TUSC3: variants seen among roughly 807,000 people sequenced by gnomAD.
TUSC3 encodes tumor suppressor candidate 3.
Under a neutral mutation model 44.8 loss-of-function variants are expected in TUSC3, and 45 were observed. The observed-to-expected ratio is 1.00, with a 90% CI of 0.79 to 1.29. The LOEUF (loss-of-function observed/expected upper bound fraction) is 1.29. Among genes scored for constraint, TUSC3 ranks in the 50% most tolerant of loss-of-function variants. The pLI is 0.00. For missense variants in TUSC3, 519 were observed against 437.9 expected, an observed-to-expected ratio of 1.19 and a Z score of -1.65; for synonymous variants, 212 against 152.9, an observed-to-expected ratio of 1.39 and a Z score of -2.85.
intron 6 of TUSC3, among the ~76,000 whole-genome samples, chr8:15,727,573 T>C (rs1327873146): frequency 6.6e-6 from 1 of 152,180 alleles, no homozygotes; most frequent in Non-Finnish European, 1.5e-5. Flanking sequence ...TGATGTGATT[T>C]TGAAGACACA....
At chr8:15,626,926 G>C (rs781370182) in intron 2 of TUSC3, among the ~76,000 whole-genome samples, 2 of 152,176 alleles carry the variant, frequency 1.3e-5, no homozygotes, top group African/African-American at 2.4e-5. Context: ...ACAGGCTCCA[G>C]GGTGGAAGGG....
At chr8:15,821,364 T>A in the TUSC3 span, among the ~76,000 whole-genome samples, 1 of 150,018 alleles carries the variant, frequency 6.7e-6, no homozygotes, top group Admixed American at 6.6e-5. Context: ...TAGGCATTTT[T>A]TTTTTTTTTT....
intron 1 of TUSC3, among the ~76,000 whole-genome samples, chr8:15,477,841 TC>T (rs1800601390): frequency 1.3e-5 from 2 of 152,220 alleles, no homozygotes; most frequent in African/African-American, 4.8e-5. Flanking sequence ...GTCCTTGCTT[TC>T]CTGCTGTTTT....
intron 1 of TUSC3, among the ~76,000 whole-genome samples, chr8:15,431,241 G>C (rs536702410): frequency 6.6e-6 from 1 of 151,508 alleles, no homozygotes; most frequent in African/African-American, 2.4e-5. Flanking sequence ...TAAGTCATTA[G>C]AATTTGATAG....
At chr8:15,591,074 A>G (rs1803816567) in intron 1 of TUSC3, among the ~76,000 whole-genome samples, 1 of 152,164 alleles carries the variant, frequency 6.6e-6, no homozygotes, top group Admixed American at 6.5e-5. Context: ...CTTGGCATAT[A>G]GGAGGTGGTG....
intron 7 of TUSC3, among the ~76,000 whole-genome samples, chr8:15,732,822 C>T (rs893684921): frequency 6.6e-6 from 1 of 152,176 alleles, no homozygotes; most frequent in African/African-American, 2.4e-5. Context: ...ACACCACTGA[C>T]CATCTTCTTC....
At chr8:15,614,202 G>GT (rs1179762541) in intron 1 of TUSC3, among the ~76,000 whole-genome samples, 4 of 152,048 alleles carry the variant, frequency 2.6e-5, no homozygotes, top group African/African-American at 4.8e-5. Flanking sequence ...TAAGGTTTCT[G>GT]TTTTTTTAAT....
At chr8:15,711,441 G>C (rs1408643933) in intron 6 of TUSC3, among the ~76,000 whole-genome samples, 1 of 147,798 alleles carries the variant, frequency 6.8e-6, no homozygotes, top group Non-Finnish European at 1.5e-5. Flanking sequence ...AGGTTACCAG[G>C]TTTTAGAAAA....
chr8:15,756,753 C>G (rs1563208373), intron 9 of TUSC3, among the ~76,000 whole-genome samples: 1 of 152,158 alleles, frequency 6.6e-6, no homozygotes, highest in African/African-American at 2.4e-5. Flanking sequence ...AAGATGCAGT[C>G]CATACCAAAT....
chr8:15,648,478 G>A (rs1806727120), intron 2 of TUSC3, among the ~76,000 whole-genome samples: 1 of 148,872 alleles, frequency 6.7e-6, no homozygotes. Flanking sequence ...TGTAATCCCA[G>A]CACTTTGAGA....
chr8:15,625,241 T>A (rs535733717), intron 2 of TUSC3, among the ~76,000 whole-genome samples: 4 of 149,830 alleles, frequency 2.7e-5, no homozygotes, highest in African/African-American at 1.0e-4. Context: ...GGATTCAGTT[T>A]GCTAATTTTT....
chr8:15,538,025 T>C (rs182679465), upstream of TUSC3, among the ~76,000 whole-genome samples: 178 of 152,248 alleles, frequency 1.2e-3, 3 homozygotes, highest in African/African-American at 4.1e-3. Context: ...TGTACGCACA[T>C]AGGAGCTTAT....
At chr8:15,671,551 A>G (rs988805428) in intron 5 of TUSC3, among the ~76,000 whole-genome samples, 7 of 152,170 alleles carry the variant, frequency 4.6e-5, no homozygotes, top group Non-Finnish European at 8.8e-5. Flanking sequence ...TACATTTGCC[A>G]CTACTTCAGA....
downstream of TUSC3, among the ~76,000 whole-genome samples, chr8:15,768,918 G>A (rs1434581943): frequency 6.6e-6 from 1 of 152,062 alleles, no homozygotes; most frequent in Non-Finnish European, 1.5e-5. Flanking sequence ...CACTGCACAA[G>A]GAAATAAGAG....
intron 2 of TUSC3, among the ~76,000 whole-genome samples, chr8:15,523,708 G>GTGTGTA (rs1432979639): frequency 8.9e-6 from 1 of 112,502 alleles, no homozygotes; most frequent in African/African-American, 3.9e-5. Context: ...GTGTGTGTGT[G>GTGTGTA]TATATATATA....
At chr8:15,739,074 G>T (rs186425753) in intron 7 of TUSC3, among the ~76,000 whole-genome samples, 1 of 151,534 alleles carries the variant, frequency 6.6e-6, no homozygotes, top group South Asian at 2.1e-4. Context: ...CTTGTGATCC[G>T]CCTGCCTCAG....
intron 3 of TUSC3, among the ~76,000 whole-genome samples, chr8:15,652,264 A>T (rs1806946653): frequency 6.6e-6 from 1 of 152,174 alleles, no homozygotes; most frequent in South Asian, 2.1e-4. Context: ...CAGTTCTGTA[A>T]AGAATCTAGC....
chr8:15,754,557 C>G (rs1811843471), intron 9 of TUSC3, among the ~76,000 whole-genome samples: 1 of 152,002 alleles, frequency 6.6e-6, no homozygotes, highest in Non-Finnish European at 1.5e-5. Flanking sequence ...TGAAAATGCA[C>G]ATTTGAACAT....
the TUSC3 span, among the ~76,000 whole-genome samples, chr8:15,824,105 G>A: frequency 6.6e-6 from 1 of 152,202 alleles, no homozygotes; most frequent in African/African-American, 2.4e-5. Context: ...AAGAAGATGA[G>A]GCCCAGTAAG....
Sources: gnomAD v4.1 joint callset for allele counts (sites outside exome capture counted in the v4.1 genomes callset) on GRCh38, gnomAD v4.1.1 for gene constraint, MANE v1.5 for transcripts, NCBI Gene and HGNC (gene_info 2026-07-23, HGNC 2026-07-21) for gene names.